Variants in CTNNA3 observed in about 807,000 individuals in gnomAD.
CTNNA3 encodes the protein catenin alpha-3.
Under a neutral mutation model 95.7 loss-of-function variants are expected in CTNNA3, and 76 were observed. That is an observed-to-expected ratio of 0.79 (90% CI 0.66 to 0.96). The LOEUF (loss-of-function observed/expected upper bound fraction) is 0.96, where lower values mean the gene tolerates loss of function less well. Ranked by LOEUF, CTNNA3 falls within the 40% of genes least tolerant of loss-of-function variation. CTNNA3 has a pLI of 0.00. For missense variants in CTNNA3, 1,191 were observed against 1,089.8 expected, an observed-to-expected ratio of 1.09 and a Z score of -1.31; for synonymous variants, 431 against 374.4, an observed-to-expected ratio of 1.15 and a Z score of -1.74.
intron 7 of CTNNA3, among the ~76,000 whole-genome samples, chr10:66,942,917 C>T (rs907990191): frequency 6.6e-6 from 1 of 152,126 alleles, no homozygotes; most frequent in Non-Finnish European, 1.5e-5. Context: ...CAAAGAGTTA[C>T]AAAGGAAGAA....
At chr10:67,365,401 T>C (rs563174986) in intron 5 of CTNNA3, among the ~76,000 whole-genome samples, 1 of 152,268 alleles carries the variant, frequency 6.6e-6, no homozygotes, top group East Asian at 1.9e-4. Context: ...AAAGAGCTTC[T>C]GCACAGCAAA....
In CTNNA3 at chr10:66,082,991, C is replaced by T. The variant is rs536241365; in HGVS notation, c.1978-13502G>A. On this transcript the variant is annotated intron_variant, in intron 14 of 17. Coordinates refer to ENST00000433211, the MANE Select transcript of CTNNA3 (RefSeq NM_013266.4). The stretch of plus-strand genomic sequence containing the variant: ...CTCCCAACACGGTGCAGCATATTTT[C>T]CTGAAGAAAAAGAGTCCCTTCCCTA... 1.5e-4 allele frequency among the ~76,000 whole-genome samples: 23 copies of T among 151,844 alleles called. No homozygotes were observed. In the East Asian group the frequency reaches 4.5e-3, roughly 30 times the overall value.
In CTNNA3 at chr10:66,975,858, A is replaced by C. The variant is rs192568926; in HGVS notation, c.1048-200334T>G. On this transcript the variant is annotated intron_variant, in intron 7 of 17. Coordinates refer to ENST00000433211, the MANE Select transcript of CTNNA3 (RefSeq NM_013266.4). Reference sequence around the variant, plus strand: ...ATTAAGACTTGTCATTTTCTATCTGACCAAAAATCTTGGTCTTCTTCAATC... The same window carrying C: ...ATTAAGACTTGTCATTTTCTATCTGCCCAAAAATCTTGGTCTTCTTCAATC... Among the ~76,000 whole-genome samples the C allele has an allele frequency of 4.0e-3, 605 of 152,288 alleles. 4 individuals carry two copies. Among genetic ancestry groups the C allele is most frequent in the African/African-American group, 0.014 (570 of 41,548 alleles).
intron 1 of CTNNA3, among the ~76,000 whole-genome samples, chr10:67,711,815 T>C (rs1254071736): frequency 6.8e-6 from 1 of 145,992 alleles, no homozygotes; most frequent in African/African-American, 2.5e-5. Flanking sequence ...TTCCCACCTA[T>C]GAGTGAGAAT....
intron 9 of CTNNA3, among the ~76,000 whole-genome samples, chr10:66,702,622 C>T (rs1201161724): frequency 6.8e-6 from 1 of 146,496 alleles, no homozygotes; most frequent in Non-Finnish European, 1.5e-5. Context: ...AGGAGAATCA[C>T]TTGAACTTGG....
chr10:67,216,738 A>G (rs1179182765), intron 6 of CTNNA3, among the ~76,000 whole-genome samples: 2 of 152,238 alleles, frequency 1.3e-5, no homozygotes, highest in African/African-American at 4.8e-5. Flanking sequence ...GGGAATTCAG[A>G]TTAGTTCTTG....
chr10:67,659,719 A>G (rs557759461), intron 1 of CTNNA3, among the ~76,000 whole-genome samples: 1 of 152,210 alleles, frequency 6.6e-6, no homozygotes, highest in Non-Finnish European at 1.5e-5. Flanking sequence ...TGCCCTTCAC[A>G]TACACTTTGA....
At chr10:66,457,576 T>C (rs2131839531) in intron 11 of CTNNA3, among the ~76,000 whole-genome samples, 1 of 151,320 alleles carries the variant, frequency 6.6e-6, no homozygotes, top group East Asian at 2.0e-4. Flanking sequence ...GCTCCATTCA[T>C]AATTGCTGAA....
At chr10:67,387,896 A>G (rs1343294344) in intron 5 of CTNNA3, among the ~76,000 whole-genome samples, 3 of 152,198 alleles carry the variant, frequency 2.0e-5, no homozygotes, top group Non-Finnish European at 2.9e-5. Flanking sequence ...CACCCACACC[A>G]AAAACCCATC....
At chr10:67,087,289 T>G (rs1857360010) in intron 7 of CTNNA3, among the ~76,000 whole-genome samples, 1 of 151,978 alleles carries the variant, frequency 6.6e-6, no homozygotes, top group African/African-American at 2.4e-5. Flanking sequence ...GAAAAGCTAA[T>G]TTGGCAGCTG....
chr10:67,166,078 G>A (rs1292639538), intron 7 of CTNNA3, among the ~76,000 whole-genome samples: 2 of 152,134 alleles, frequency 1.3e-5, no homozygotes, highest in Admixed American at 1.3e-4. Context: ...TGCCAAGGAG[G>A]AAGGGAGACT....
At chr10:66,508,153 G>A (rs1840518119) in intron 11 of CTNNA3, among the ~76,000 whole-genome samples, 1 of 146,916 alleles carries the variant, frequency 6.8e-6, no homozygotes, top group Non-Finnish European at 1.5e-5. Context: ...GTCCAATTAA[G>A]AGTGTGGTGG....
At chr10:67,509,653 C>T (rs1418057246) in intron 5 of CTNNA3, among the ~76,000 whole-genome samples, 15 of 152,252 alleles carry the variant, frequency 9.9e-5, no homozygotes, top group Middle Eastern at 3.4e-3. Flanking sequence ...AATAAACATA[C>T]GTGTGCATGT....
chr10:67,241,963 T>G (rs550287839), intron 5 of CTNNA3, among the ~76,000 whole-genome samples: 2 of 152,178 alleles, frequency 1.3e-5, no homozygotes, highest in Non-Finnish European at 2.9e-5. Flanking sequence ...GACTGGCTCC[T>G]GTCTCAACAC....
At chr10:66,824,783 C>T (rs538337672) in intron 7 of CTNNA3, among the ~76,000 whole-genome samples, 7 of 152,188 alleles carry the variant, frequency 4.6e-5, no homozygotes, top group South Asian at 2.1e-4. Context: ...GAGAAGTCAT[C>T]GCCGTCTAAA....
chr10:66,462,583 C>A (rs929345315), intron 11 of CTNNA3, among the ~76,000 whole-genome samples: 2 of 152,028 alleles, frequency 1.3e-5, no homozygotes, highest in African/African-American at 4.8e-5. Flanking sequence ...AATATCAAGT[C>A]AGCATTTACC....
chr10:66,413,580 A>C (rs2093124299), intron 11 of CTNNA3, among the ~76,000 whole-genome samples: 1 of 152,184 alleles, frequency 6.6e-6, no homozygotes, highest in African/African-American at 2.4e-5. Context: ...TTAACTATTA[A>C]TTTTATAGTT....
chr10:66,645,228 A>AT (rs1353501449), intron 9 of CTNNA3, among the ~76,000 whole-genome samples: 3 of 152,214 alleles, frequency 2.0e-5, no homozygotes, highest in African/African-American at 7.2e-5. Flanking sequence ...TAATTCATCA[A>AT]TTTTTTAAAT....
intron 3 of CTNNA3, among the ~76,000 whole-genome samples, chr10:67,603,474 C>T (rs1843152100): frequency 6.6e-6 from 1 of 151,874 alleles, no homozygotes; most frequent in Admixed American, 6.6e-5. Context: ...GTGTTATTGC[C>T]CCTGAAGACC....
Sources: allele counts gnomAD v4.1 joint callset (sites outside exome capture counted in the v4.1 genomes callset), GRCh38; gene constraint gnomAD v4.1.1; transcripts MANE v1.5; gene names NCBI Gene and HGNC (gene_info 2026-07-23, HGNC 2026-07-21).